PTAR1: variants seen among roughly 807,000 people sequenced by gnomAD.
PTAR1 encodes protein prenyltransferase alpha subunit repeat containing 1, also known as protein prenyltransferase alpha subunit repeat-containing protein 1.
Under a neutral mutation model 45.5 loss-of-function variants are expected in PTAR1, and 17 were observed. The observed-to-expected ratio is 0.37, with a 90% CI of 0.26 to 0.56. The LOEUF (loss-of-function observed/expected upper bound fraction) is 0.56, where lower values mean the gene tolerates loss of function less well. PTAR1 is among the 20% of genes least tolerant of loss of function. PTAR1 has a pLI of 0.77. For synonymous variants in PTAR1, 169 were observed against 171.3 expected (o/e 0.99, Z 0.11); for missense variants, 391 against 476.3 (o/e 0.82, Z 1.67).
At chr9:69,734,102 G>T in intron 4 of PTAR1, 48 bp downstream of exon 4, 2 of 1,046,558 alleles carry the variant, frequency 1.9e-6, no homozygotes, top group Non-Finnish European at 3.0e-6. Context: ...TCTTTCTCCA[G>T]CCAGTCTGAA....
chr9:69,740,480 G>C (rs1825994140), intron 3 of PTAR1, among the ~76,000 whole-genome samples: 2 of 151,706 alleles, frequency 1.3e-5, no homozygotes, highest in Admixed American at 1.3e-4. Context: ...TTTGTTGAAG[G>C]ACTTTTGAAT....
chr9:69,723,214 T>C, intron 6 of PTAR1, 112 bp downstream of exon 6: 6 of 844,400 alleles, frequency 7.1e-6, no homozygotes, highest in Non-Finnish European at 5.8e-6. Flanking sequence ...AGCTCCACAA[T>C]CAGATGACCA....
chr9:69,732,456 T>C, intron 4 of PTAR1, 104 bp from the exon 5 acceptor site: 1 of 780,106 alleles, frequency 1.3e-6, no homozygotes, highest in Non-Finnish European at 2.1e-6. Flanking sequence ...TCAGAGACAA[T>C]GCAAAATAAT....
intron 5 of PTAR1, among the ~76,000 whole-genome samples, chr9:69,729,740 A>C (rs1825449762): frequency 6.6e-6 from 1 of 152,220 alleles, no homozygotes; most frequent in East Asian, 1.9e-4. Context: ...AATGCAAAGC[A>C]GGTCTGCATG....
chr9:69,737,636 T>C (rs960980884), intron 3 of PTAR1, among the ~76,000 whole-genome samples: 1 of 152,206 alleles, frequency 6.6e-6, no homozygotes, highest in African/African-American at 2.4e-5. Flanking sequence ...TCTCAATCTT[T>C]ACTCTGTCTG....
intron 6 of PTAR1, among the ~76,000 whole-genome samples, chr9:69,720,358 C>G (rs1238693693): frequency 2.6e-5 from 4 of 152,166 alleles, no homozygotes; most frequent in African/African-American, 9.7e-5. Context: ...AAACCTAATC[C>G]AGACTAAGGC....
In PTAR1 at chr9:69,716,311, T is replaced by A. The variant is rs775568807; in HGVS notation, c.*2031A>T. The A allele has an allele frequency of 8.5e-5, 13 of 152,084 alleles. No homozygotes were observed. Among genetic ancestry groups the A allele is most frequent in the Non-Finnish European group, 8.8e-5 (6 of 68,000 alleles). The allele number at this position is 152,084 out of a possible 1,614,324, so 9.4% of individuals were successfully genotyped here. A position where few individuals can be genotyped will look rare whatever the true frequency, so the allele number is the denominator to read the frequency against. Reference sequence around the variant, plus strand: ...ATGATTTTATCCATAGAGGTCTAGGTGGACCTTGAGGTATTTAATTCAAAA... The same window carrying A: ...ATGATTTTATCCATAGAGGTCTAGGAGGACCTTGAGGTATTTAATTCAAAA... On this transcript the variant is annotated 3_prime_UTR_variant, in exon 8 of 8. Transcript: ENST00000340434.
intron 6 of PTAR1, 116 bp downstream of exon 6, chr9:69,723,210 A>C (rs971230527): frequency 7.3e-6 from 6 of 821,636 alleles, no homozygotes; most frequent in Non-Finnish European, 1.0e-5. Context: ...GCAAAGCTCC[A>C]CAATCAGATG....
chr9:69,757,410 G>A (rs1826835049), intron 1 of PTAR1: 1 of 152,112 alleles, frequency 6.6e-6, no homozygotes, highest in African/African-American at 2.4e-5. Context: ...CAGAGATTCA[G>A]GGAAGGTCTA....
intron 1 of PTAR1, among the ~76,000 whole-genome samples, chr9:69,759,335 C>G (rs1294542190): frequency 6.6e-6 from 1 of 152,156 alleles, no homozygotes; most frequent in East Asian, 1.9e-4. Context: ...AGTCACTTTA[C>G]AATTTTGTGG....
In PTAR1 at chr9:69,723,404, TG is replaced by T; in HGVS notation, c.868del (p.His290IlefsTer3). On this transcript the variant is annotated frameshift_variant, in exon 6 of 8. Transcript: ENST00000340434. LOFTEE classifies it high-confidence loss of function. ...GAATTCAACTTCTTCTTCTAGAAGA[TG>T]GGGAAGATTAATCCTTGGTTCTTCT... Reference protein sequence around the residue: ...STEEPRINLPHLLEEEVEFST... With the variant: ...STEEPRINLPXLLEEEVEFST... 2 of 1,613,588 alleles carry T rather than the reference TG, an allele frequency of 1.2e-6. No individual in the cohort carries two copies. Among genetic ancestry groups the T allele is most frequent in the Non-Finnish European group, 1.7e-6 (2 of 1,179,526 alleles).
At chr9:69,735,656 G>C (rs1310182172) in intron 3 of PTAR1, among the ~76,000 whole-genome samples, 2 of 151,998 alleles carry the variant, frequency 1.3e-5, no homozygotes, top group Non-Finnish European at 2.9e-5. Flanking sequence ...CACTCTCACT[G>C]AATTCTCAAT....
intron 4 of PTAR1, among the ~76,000 whole-genome samples, chr9:69,733,060 C>G (rs4144335): frequency 0.14 from 21,907 of 151,292 alleles, 1,695 homozygotes; most frequent in East Asian, 0.27. Context: ...GATTTCAAAC[C>G]CAAAGGTACA....
At chr9:69,728,899 GA>G (rs775176406) in intron 5 of PTAR1, among the ~76,000 whole-genome samples, 2 of 151,934 alleles carry the variant, frequency 1.3e-5, no homozygotes, top group Non-Finnish European at 1.5e-5. Context: ...AAAAATACAA[GA>G]AAAAAATCTA....
Position 69,734,193 on chromosome 9 carries a change from C to G in PTAR1, c.385G>C (p.Ala129Pro). The G allele has an allele frequency of 6.6e-7, 1 of 1,524,882 alleles. No homozygotes were observed. The highest frequency in any genetic ancestry group is 1.1e-5 in the South Asian group (1 of 88,794). 94.5% of individuals were successfully genotyped at this position (1,524,882 alleles called of 1,614,324 possible). A position where few individuals can be genotyped will look rare whatever the true frequency, so the allele number is the denominator to read the frequency against. Residue 129 changes from alanine (A) to proline (P), a missense_variant, in exon 4 of 8, where the codon GCC (alanine) becomes CCC (proline). Transcript: ENST00000340434. ...PIKDLHLGKL[A>P]LTKFPKSPET... ...GGACTCTTTGGAAACTTGGTTAAGG[C>G]GAGTTTTCCCAGATGTAAATCCTTA...
At chr9:69,757,743 T>C (rs1588494524) in intron 1 of PTAR1, 1 of 98,558 alleles carries the variant, frequency 1.0e-5, no homozygotes, top group Non-Finnish European at 2.1e-5. Context: ...ACGTTACAGA[T>C]AAACAATGCC....
intron 3 of PTAR1, among the ~76,000 whole-genome samples, chr9:69,737,452 C>T (rs1489017982): frequency 6.6e-6 from 1 of 152,178 alleles, no homozygotes; most frequent in Non-Finnish European, 1.5e-5. Flanking sequence ...GATACAATTT[C>T]CACTCACAAA....
intron 3 of PTAR1, among the ~76,000 whole-genome samples, chr9:69,735,075 T>C (rs1195719090): frequency 6.6e-6 from 1 of 152,240 alleles, no homozygotes; most frequent in Non-Finnish European, 1.5e-5. Flanking sequence ...AAAAGAGCTA[T>C]TAACAAGGTA....
intron 3 of PTAR1, among the ~76,000 whole-genome samples, chr9:69,739,009 T>C (rs1025107443): frequency 1.1e-4 from 16 of 152,106 alleles, no homozygotes; most frequent in African/African-American, 3.9e-4. Flanking sequence ...GGTTTCACCA[T>C]ATTGGCCAGG....
Sources: gnomAD v4.1 joint callset for allele counts (sites outside exome capture counted in the v4.1 genomes callset) on GRCh38, gnomAD v4.1.1 for gene constraint, MANE v1.5 for transcripts, NCBI Gene and HGNC (gene_info 2026-07-23, HGNC 2026-07-21) for gene names.